ZNF155: variants seen among roughly 807,000 people sequenced by gnomAD.
ZNF155 encodes KRAB A domain.
ZNF155 carries 15 observed loss-of-function variants against 11.9 expected under a neutral mutation model. The observed-to-expected ratio is 1.26, with a 90% CI of 0.84 to 1.94. ZNF155 has a LOEUF of 1.94. ZNF155 is among the 30% of genes most tolerant of loss of function. The pLI, the probability that ZNF155 is intolerant of heterozygous loss-of-function variation, is 0.00. For missense variants in ZNF155, 602 were observed against 639.1 expected (o/e 0.94, Z 0.63); for synonymous variants, 212 against 219.9 (o/e 0.96, Z 0.32).
intron 1 of ZNF155, 96 bp from the exon 2 acceptor site, chr19:43,988,363 G>A: frequency 2.2e-6 from 1 of 449,302 alleles, no homozygotes; most frequent in Non-Finnish European, 3.9e-6. Context: ...CCCAGAGGAA[G>A]GCATCTTGGT....
chr19:43,995,251 A>G (rs1223003416), intron 4 of ZNF155, among the ~76,000 whole-genome samples: 1 of 152,054 alleles, frequency 6.6e-6, no homozygotes, highest in Non-Finnish European at 1.5e-5. Context: ...AGCTGGGACT[A>G]CAGGCATGTG....
intron 1 of ZNF155, among the ~76,000 whole-genome samples, chr19:43,986,468 T>A (rs1975450777): frequency 1.4e-5 from 2 of 147,880 alleles, no homozygotes; most frequent in African/African-American, 5.0e-5. Context: ...TTTTTTTTTT[T>A]AGACGGAGTC....
At chr19:43,992,404 G>T (rs11669568) in intron 4 of ZNF155, among the ~76,000 whole-genome samples, 1 of 152,042 alleles carries the variant, frequency 6.6e-6, no homozygotes, top group South Asian at 2.1e-4. Flanking sequence ...TTATCTCTCT[G>T]TTCTTTAGGC....
intron 4 of ZNF155, among the ~76,000 whole-genome samples, chr19:43,994,707 A>G (rs1161279823): frequency 6.6e-6 from 1 of 152,224 alleles, no homozygotes; most frequent in African/African-American, 2.4e-5. Flanking sequence ...TTACATTCCC[A>G]GGATTAAGGT....
intron 2 of ZNF155, among the ~76,000 whole-genome samples, chr19:43,989,176 A>G (rs551584713): frequency 6.6e-5 from 10 of 152,348 alleles, no homozygotes; most frequent in Admixed American, 6.5e-4. Context: ...GGCACAGAAC[A>G]AAAGGATGTA....
At chr19:43,986,017 G>A (rs769098574) in intron 1 of ZNF155, among the ~76,000 whole-genome samples, 3 of 152,160 alleles carry the variant, frequency 2.0e-5, no homozygotes, top group African/African-American at 7.2e-5. Flanking sequence ...AAGAGAGTTA[G>A]GACTTGATTG....
Position 43,996,653 on chromosome 19 carries a change from G to A in ZNF155, c.796G>A (p.Gly266Arg), listed in dbSNP as rs749783430. The stretch of plus-strand genomic sequence containing the variant: ...GAAACCTTACATTTGTGAGGCATGT[G>A]GGAAGGCCTTCATTCATGATTCCCA... ...GEKPYICEAC[G>R]KAFIHDSQLK... Residue 266 changes from glycine (G) to arginine (R), a missense_variant, in exon 5 of 5, where the codon GGG becomes AGG. By Grantham distance (125) the Gly-to-Arg change is moderately radical (BLOSUM62 -2). Transcript: ENST00000270014. The A allele has an allele frequency of 1.9e-6, 3 of 1,614,118 alleles. No individual in the cohort carries two copies. The highest frequency in any genetic ancestry group is 2.5e-6 in the Non-Finnish European group (3 of 1,180,032).
chr19:43,984,618 T>C (rs1975368860), intron 1 of ZNF155, among the ~76,000 whole-genome samples: 1 of 152,194 alleles, frequency 6.6e-6, no homozygotes, highest in Admixed American at 6.5e-5. Flanking sequence ...CATTGCCGTT[T>C]TTTAAATGAG....
At position 43,988,568 on chromosome 19, in the gene ZNF155, G is replaced by T. The variant is rs192006552; in HGVS notation, c.15+10G>T. 10 of 1,599,288 alleles carry T rather than the reference G, an allele frequency of 6.3e-6. No homozygotes were observed. Among genetic ancestry groups the T allele is most frequent in the Non-Finnish European group, 8.5e-6 (10 of 1,170,728 alleles). ...AATGACCACATTCAAGGTGAGGGGG[G>T]CGTGCCTCTCTCGCTGTTAAAATTC... On this transcript the variant is annotated intron_variant, in intron 2 of 4. Coordinates refer to ENST00000270014, the MANE Select transcript of ZNF155 (RefSeq NM_198089.3).
intron 2 of ZNF155, among the ~76,000 whole-genome samples, chr19:43,990,766 C>A (rs1293534850): frequency 6.6e-6 from 1 of 152,154 alleles, no homozygotes; most frequent in African/African-American, 2.4e-5. Flanking sequence ...CGATCTCACT[C>A]AACAGATTAC....
In ZNF155 at chr19:43,996,298, T is replaced by G. The variant is rs1453279560; in HGVS notation, c.441T>G (p.Pro147=). ...CCACAATTCATACAGGACAGAAACCTTCCCAGGGTGGGAAGTGTAAACAGT... is the reference window on the plus strand; with the variant it reads ...CCACAATTCATACAGGACAGAAACCGTCCCAGGGTGGGAAGTGTAAACAGT... ...GLPTIHTGQK[P]SQGGKCKQSI... is the part of the protein sequence containing the mutation. Residue 147 remains proline (P), a synonymous_variant, in exon 5 of 5, where the codon CCT becomes CCG. Coordinates refer to ENST00000270014, the MANE Select transcript of ZNF155 (RefSeq NM_198089.3). The G allele has an allele frequency of 1.9e-6, 3 of 1,614,058 alleles. No individual in the cohort carries two copies. The highest frequency in any genetic ancestry group is 3.3e-5 in the Admixed American group (2 of 60,006).
chr19:43,990,440 A>G (rs1975617423), intron 2 of ZNF155, among the ~76,000 whole-genome samples: 1 of 152,220 alleles, frequency 6.6e-6, no homozygotes, highest in Admixed American at 6.5e-5. Flanking sequence ...GATGTTTCCA[A>G]ATGCTATGTA....
Position 43,996,937 on chromosome 19 carries a change from T to C in ZNF155, c.1080T>C (p.Tyr360=), listed in dbSNP as rs947375628. The C allele has an allele frequency of 6.2e-7, 1 of 1,610,018 alleles. No homozygotes were observed. ...GCTTTATTGGTAGGCTAGATTTTTA[T>C]AAGCATCAGGTGGTCCACACAGGAG... ...GKGFIGRLDF[Y]KHQVVHTGEK... is the part of the protein sequence containing the mutation. The change falls in exon 5 of 5, where the codon TAT becomes TAC. Residue 360 remains tyrosine (Y), a synonymous_variant. Transcript: ENST00000270014.
chr19:43,988,442 T>C lies in ZNF155; in HGVS notation c.-85-17T>C. Reference sequence around the variant, plus strand: ...TTCATGGGCTAATTCACAACACACATCTCTCTTTTTCTGCAGACTGTGGCA... The same window carrying C: ...TTCATGGGCTAATTCACAACACACACCTCTCTTTTTCTGCAGACTGTGGCA... On this transcript the variant is annotated splice_polypyrimidine_tract_variant and intron_variant, in intron 1 of 4. Transcript: ENST00000270014. 1.6e-6 allele frequency: 2 copies of C among 1,283,492 alleles called. No homozygotes were observed. Among genetic ancestry groups the C allele is most frequent in the Non-Finnish European group, 1.1e-6 (1 of 922,214 alleles). 79.5% of individuals were successfully genotyped at this position (1,283,492 alleles called of 1,614,324 possible). A position where few individuals can be genotyped will look rare whatever the true frequency, so the allele number is the denominator to read the frequency against.
chr19:43,995,959 A>C, intron 4 of ZNF155, 134 bp from the exon 5 acceptor site: 3 of 1,172,998 alleles, frequency 2.6e-6, no homozygotes, highest in Non-Finnish European at 3.5e-6. Context: ...ACCAGAAATC[A>C]GGGTGTACTT....
At chr19:43,990,876 G>T (rs1338707395) in intron 2 of ZNF155, among the ~76,000 whole-genome samples, 1 of 152,134 alleles carries the variant, frequency 6.6e-6, no homozygotes, top group Non-Finnish European at 1.5e-5. Context: ...ACGTCCTGGG[G>T]TGGGTAGAAT....
chr19:43,997,654 C>A lies in ZNF155; in HGVS notation c.*180C>A. 1.6e-6 allele frequency: 1 copy of A among 621,410 alleles called. No individual in the cohort carries two copies. The highest frequency in any genetic ancestry group is 2.7e-6 in the Non-Finnish European group (1 of 374,086). 38.5% of individuals were successfully genotyped at this position (621,410 alleles called of 1,614,324 possible). ...GCAAGGGAAGGGTCCCTGGAGACCCCCAGCCAAACGGGTCAGTGTCTCATC... is the reference window on the plus strand; with the variant it reads ...GCAAGGGAAGGGTCCCTGGAGACCCACAGCCAAACGGGTCAGTGTCTCATC... On this transcript the variant is annotated 3_prime_UTR_variant, in exon 5 of 5. Transcript: ENST00000270014.
chr19:43,989,603 G>A (rs1208048445), intron 2 of ZNF155, among the ~76,000 whole-genome samples: 1 of 152,168 alleles, frequency 6.6e-6, no homozygotes, highest in Non-Finnish European at 1.5e-5. Flanking sequence ...TGTCTGGAGT[G>A]CCCTGTGGAG....
At position 43,997,351 on chromosome 19, in the gene ZNF155, C is replaced by T. The variant is rs762035280; in HGVS notation, c.1494C>T (p.Tyr498=). 10 of 1,613,594 alleles carry T rather than the reference C, an allele frequency of 6.2e-6. No homozygotes were observed. The East Asian group carries it at 2.0e-4, about 32-fold the overall frequency. Residue 498 remains tyrosine, a synonymous_variant, in exon 5 of 5, where the codon TAC becomes TAT. Transcript: ENST00000270014. ...DCGKRLVHRT[Y]RKDQPRDYSG... is the part of the protein sequence containing the mutation. ...GAAAGAGGCTTGTACACAGGACATA[C>T]CGTAAAGACCAGCCGAGAGACTATA...
Sources: allele counts gnomAD v4.1 joint callset (sites outside exome capture counted in the v4.1 genomes callset), GRCh38; gene constraint gnomAD v4.1.1; transcripts MANE v1.5; gene names NCBI Gene and HGNC (gene_info 2026-07-23, HGNC 2026-07-21).